Variants in GRIK4 observed in about 807,000 individuals in gnomAD.
GRIK4 encodes glutamate receptor ionotropic, kainate 4.
GRIK4 carries 40 observed loss-of-function variants against 104.9 expected under a neutral mutation model. The ratio of observed to expected loss-of-function variants is 0.38; its 90% CI spans 0.30 to 0.50. The LOEUF (loss-of-function observed/expected upper bound fraction) is 0.50, where lower values mean the gene tolerates loss of function less well. Ranked by LOEUF, GRIK4 falls within the 20% of genes least tolerant of loss-of-function variation. The probability of loss-of-function intolerance (pLI) is 0.93; values close to 1 mark genes in which losing one functional copy is unlikely to be tolerated. For missense variants in GRIK4, 1,047 were observed against 1,308.1 expected (o/e 0.80, Z 3.08); for synonymous variants, 485 against 524.9 (o/e 0.92, Z 1.04).
intron 3 of GRIK4, among the ~76,000 whole-genome samples, chr11:120,756,884 G>T (rs944644203): frequency 1.3e-5 from 2 of 152,176 alleles, no homozygotes; most frequent in Non-Finnish European, 2.9e-5. Context: ...CTCCCACTGT[G>T]CTGTGCACCT....
chr11:120,810,336 C>A (rs1178981863), intron 4 of GRIK4, among the ~76,000 whole-genome samples: 2 of 152,202 alleles, frequency 1.3e-5, no homozygotes, highest in Non-Finnish European at 2.9e-5. Flanking sequence ...ACTTTCCTTT[C>A]TTGGGAACCA....
chr11:120,834,011 G>C (rs1166955284), intron 7 of GRIK4, among the ~76,000 whole-genome samples: 1 of 152,082 alleles, frequency 6.6e-6, no homozygotes, highest in Non-Finnish European at 1.5e-5. Flanking sequence ...CAAATCTTTT[G>C]CTACAATAAA....
At chr11:120,938,006 T>C (rs1323017443) in intron 13 of GRIK4, among the ~76,000 whole-genome samples, 2 of 152,164 alleles carry the variant, frequency 1.3e-5, no homozygotes, top group Non-Finnish European at 2.9e-5. Flanking sequence ...GGATGCCACG[T>C]TTACCTCATG....
At chr11:120,529,254 C>T (rs1489319257) in intron 1 of GRIK4, among the ~76,000 whole-genome samples, 10 of 152,176 alleles carry the variant, frequency 6.6e-5, no homozygotes, top group Non-Finnish European at 1.5e-4. Context: ...ATCAAGTCAC[C>T]ACATCCACTT....
At chr11:120,965,424 T>G (rs1437174977) in intron 18 of GRIK4, among the ~76,000 whole-genome samples, 1 of 152,242 alleles carries the variant, frequency 6.6e-6, no homozygotes, top group Non-Finnish European at 1.5e-5. Flanking sequence ...TAATAAGTAC[T>G]TACTGTACTT....
chr11:120,793,046 C>T (rs1380260378), intron 3 of GRIK4, among the ~76,000 whole-genome samples: 3 of 152,148 alleles, frequency 2.0e-5, no homozygotes, highest in Non-Finnish European at 4.4e-5. Context: ...AATGAGATAA[C>T]ATATATGCTC....
chr11:120,801,076 G>T (rs1012865329), intron 3 of GRIK4, among the ~76,000 whole-genome samples: 1 of 152,144 alleles, frequency 6.6e-6, no homozygotes, highest in Admixed American at 6.5e-5. Flanking sequence ...AACACCACAC[G>T]CATTAGCAGA....
intron 9 of GRIK4, chr11:120,871,861 T>C (rs1418395415): frequency 2.2e-6 from 1 of 456,010 alleles, no homozygotes; most frequent in East Asian, 7.0e-5. Context: ...GTGATGCGGG[T>C]GAACTTGGAC....
chr11:120,589,484 C>T (rs146528443), intron 1 of GRIK4, among the ~76,000 whole-genome samples: 32 of 152,272 alleles, frequency 2.1e-4, no homozygotes, highest in African/African-American at 6.5e-4. Flanking sequence ...GCTCAGCCCT[C>T]GGAACCTCCA....
At chr11:120,962,323 G>C (rs1213548108) in intron 17 of GRIK4, 133 bp from the exon 18 acceptor site, 2 of 622,418 alleles carry the variant, frequency 3.2e-6, no homozygotes, top group Non-Finnish European at 5.7e-6. Flanking sequence ...AAAGGGAAAA[G>C]GTTCTTGACT....
intron 3 of GRIK4, among the ~76,000 whole-genome samples, chr11:120,791,818 G>T (rs774983611): frequency 1.3e-5 from 2 of 152,126 alleles, no homozygotes; most frequent in African/African-American, 4.8e-5. Context: ...AAATGTTCCA[G>T]CACAGTTTGT....
intron 1 of GRIK4, among the ~76,000 whole-genome samples, chr11:120,582,456 T>G (rs1315441717): frequency 6.6e-6 from 1 of 152,148 alleles, no homozygotes; most frequent in Non-Finnish European, 1.5e-5. Context: ...GTCTTCTCCC[T>G]CCTCTCACCC....
intron 3 of GRIK4, among the ~76,000 whole-genome samples, chr11:120,787,101 T>G (rs1405779528): frequency 6.6e-6 from 1 of 152,254 alleles, no homozygotes; most frequent in East Asian, 1.9e-4. Context: ...GAGGATTGCT[T>G]GAGGCCAGGA....
intron 6 of GRIK4, among the ~76,000 whole-genome samples, chr11:120,823,495 T>G (rs890394049): frequency 6.6e-6 from 1 of 152,286 alleles, no homozygotes; most frequent in African/African-American, 2.4e-5. Context: ...AACAGAGTCT[T>G]GGAGGTATTA....
intron 3 of GRIK4, among the ~76,000 whole-genome samples, chr11:120,754,690 G>A (rs752855158): frequency 9.9e-5 from 15 of 152,062 alleles, no homozygotes; most frequent in Non-Finnish European, 1.3e-4. Context: ...TGGCTGCCCC[G>A]TTTTACATTC....
Position 120,886,397 on chromosome 11 carries a change from G to C in GRIK4, c.1164+11154G>C, listed in dbSNP as rs1454928122. 3.9e-5 allele frequency among the ~76,000 whole-genome samples: 6 copies of C among 152,184 alleles called. No homozygotes were observed. In the South Asian group the frequency reaches 6.2e-4, roughly 16 times the overall value. ...CTCGTGTTCCTACCTACAAGAACCA[G>C]TGATATGCCTTCCAGAGAAAGCATG... On this transcript the variant is annotated intron_variant, in intron 11 of 20. Transcript: ENST00000527524.
chr11:120,839,414 C>G (rs1387193871), intron 8 of GRIK4, among the ~76,000 whole-genome samples: 1 of 152,174 alleles, frequency 6.6e-6, no homozygotes, highest in African/African-American at 2.4e-5. Context: ...TTTACTTAAC[C>G]TTTCTGAGCC....
chr11:120,803,801 T>C (rs1184795107), intron 4 of GRIK4, among the ~76,000 whole-genome samples: 1 of 152,220 alleles, frequency 6.6e-6, no homozygotes, highest in African/African-American at 2.4e-5. Flanking sequence ...TTTACAGGCA[T>C]ATGTAGTAGG....
At chr11:120,590,515 G>A (rs1325806493) in intron 1 of GRIK4, among the ~76,000 whole-genome samples, 4 of 152,236 alleles carry the variant, frequency 2.6e-5, no homozygotes, top group Non-Finnish European at 5.9e-5. Flanking sequence ...TGCTGGCGTA[G>A]CATTGTGATT....
Sources: gnomAD v4.1 joint callset for allele counts (sites outside exome capture counted in the v4.1 genomes callset) on GRCh38, gnomAD v4.1.1 for gene constraint, MANE v1.5 for transcripts, NCBI Gene and HGNC (gene_info 2026-07-23, HGNC 2026-07-21) for gene names.